The following SNTG2 variants were observed in gnomAD, a reference collection of about 807,000 sequenced individuals.
SNTG2 encodes syntrophin gamma 2.
SNTG2 carries 74 observed loss-of-function variants against 70.9 expected under a neutral mutation model. The ratio of observed to expected loss-of-function variants is 1.04; its 90% CI spans 0.86 to 1.27. SNTG2 has a LOEUF of 1.27. Ranked by LOEUF, SNTG2 falls within the 50% of genes most tolerant of loss-of-function variation. SNTG2 has a pLI of 0.00. For missense variants in SNTG2, 717 were observed against 690.7 expected (o/e 1.04, Z -0.43); for synonymous variants, 278 against 273.8 (o/e 1.02, Z -0.15).
chr2:971,304 G>GTTT (rs140073425), intron 1 of SNTG2, among the ~76,000 whole-genome samples: 1 of 151,800 alleles, frequency 6.6e-6, no homozygotes, highest in African/African-American at 2.4e-5. Flanking sequence ...TTGTTTGTTT[G>GTTT]TTTTTTTATC....
At chr2:1,172,310 C>A (rs1199005131) in intron 7 of SNTG2, among the ~76,000 whole-genome samples, 1 of 152,206 alleles carries the variant, frequency 6.6e-6, no homozygotes, top group Admixed American at 6.5e-5. Flanking sequence ...GGCTGGGAAT[C>A]TGGCATAGTC....
At chr2:1,020,813 G>GT (rs1048204565) in intron 1 of SNTG2, among the ~76,000 whole-genome samples, 2 of 152,060 alleles carry the variant, frequency 1.3e-5, no homozygotes, top group African/African-American at 4.8e-5. Flanking sequence ...AGACTTCTCT[G>GT]TTTTTAACCA....
chr2:1,018,379 A>T (rs1046898314), intron 1 of SNTG2, among the ~76,000 whole-genome samples: 2 of 152,154 alleles, frequency 1.3e-5, no homozygotes, highest in Non-Finnish European at 2.9e-5. Flanking sequence ...CTGCTTCTGA[A>T]AGATGCCCTT....
At chr2:990,862 A>G (rs1228842475) in intron 1 of SNTG2, among the ~76,000 whole-genome samples, 2 of 146,972 alleles carry the variant, frequency 1.4e-5, no homozygotes, top group South Asian at 2.2e-4. Context: ...CTTTTCTTAG[A>G]AAAAAAAAAA....
intron 1 of SNTG2, among the ~76,000 whole-genome samples, chr2:1,046,317 G>T (rs1371451537): frequency 6.6e-6 from 1 of 152,066 alleles, no homozygotes; most frequent in Non-Finnish European, 1.5e-5. Context: ...TATCCAACTT[G>T]CCATCTGTGC....
At chr2:1,200,751 T>A (rs1360704252) in intron 8 of SNTG2, among the ~76,000 whole-genome samples, 1 of 151,962 alleles carries the variant, frequency 6.6e-6, no homozygotes, top group Non-Finnish European at 1.5e-5. Flanking sequence ...ACATATGGCC[T>A]ATAGGCCAAC....
chr2:1,103,688 A>G (rs1665941356), intron 4 of SNTG2, among the ~76,000 whole-genome samples: 1 of 152,178 alleles, frequency 6.6e-6, no homozygotes, highest in Non-Finnish European at 1.5e-5. Flanking sequence ...GCGCCTGGCC[A>G]TGATTATAAA....
chr2:1,198,103 CAAAA>C (rs1287028879), intron 8 of SNTG2, among the ~76,000 whole-genome samples: 10 of 149,878 alleles, frequency 6.7e-5, no homozygotes, highest in Admixed American at 5.3e-4. Flanking sequence ...CATTAGGCCA[CAAAA>C]AAAAGTGGGA....
intron 1 of SNTG2, among the ~76,000 whole-genome samples, chr2:1,076,365 C>A (rs553994471): frequency 6.6e-6 from 1 of 152,164 alleles, no homozygotes; most frequent in African/African-American, 2.4e-5. Flanking sequence ...TGGCTCTTTA[C>A]GCTTCTTCCA....
intron 9 of SNTG2, among the ~76,000 whole-genome samples, chr2:1,223,964 G>T (rs145836487): frequency 2.0e-5 from 3 of 148,390 alleles, no homozygotes; most frequent in Non-Finnish European, 3.0e-5. Context: ...TATGCAGCAG[G>T]CATGCGTCCC....
intron 1 of SNTG2, among the ~76,000 whole-genome samples, chr2:1,018,769 C>A: frequency 6.6e-6 from 1 of 152,156 alleles, no homozygotes; most frequent in East Asian, 1.9e-4. Context: ...AAAAAGATTG[C>A]GTGATTTTTT....
intron 1 of SNTG2, among the ~76,000 whole-genome samples, chr2:1,049,675 G>A (rs1363488000): frequency 6.6e-6 from 1 of 152,212 alleles, no homozygotes; most frequent in Admixed American, 6.5e-5. Context: ...ATGCCTGCTG[G>A]ATGATATGGT....
At chr2:1,264,129 A>C (rs1482562668) in intron 13 of SNTG2, among the ~76,000 whole-genome samples, 1 of 152,264 alleles carries the variant, frequency 6.6e-6, no homozygotes, top group Non-Finnish European at 1.5e-5. Context: ...ACATTAAGAA[A>C]AAGTTAGAGA....
At position 1,222,119 on chromosome 2, in the gene SNTG2, C is replaced by CTCTCTGTCTCTGTCTCTCTCTG. The variant is rs1324021158; in HGVS notation, c.719+12900_719+12901insGTCTCTCTCTGTCTCTGTCTCT. Among the ~76,000 whole-genome samples, 19 of 107,674 alleles carry CTCTCTGTCTCTGTCTCTCTCTG rather than the reference C, an allele frequency of 1.8e-4. 2 individuals carry two copies. Among genetic ancestry groups the CTCTCTGTCTCTGTCTCTCTCTG allele is most frequent in the Non-Finnish European group, 2.7e-4 (15 of 55,602 alleles). The allele number at this position is 107,674 out of a possible 152,430, so 70.6% of individuals were successfully genotyped here. A position where few individuals can be genotyped will look rare whatever the true frequency, so the allele number is the denominator to read the frequency against. The stretch of plus-strand genomic sequence containing the variant: ...TGTCTCTCTCTGTCTCTCTCTGTCT[C>CTCTCTGTCTCTGTCTCTCTCTG]TCTCTGTCTCTCTCTGTCTCTCTCT... On this transcript the variant is annotated intron_variant, in intron 9 of 16. Transcript: ENST00000308624.
intron 15 of SNTG2, among the ~76,000 whole-genome samples, chr2:1,310,879 T>C (rs910688435): frequency 6.6e-6 from 1 of 152,226 alleles, no homozygotes; most frequent in Non-Finnish European, 1.5e-5. Context: ...AAGATGGGGT[T>C]GTGAGCCCTT....
chr2:1,226,689 C>T (rs911455628), intron 9 of SNTG2, among the ~76,000 whole-genome samples: 2 of 152,040 alleles, frequency 1.3e-5, no homozygotes, highest in African/African-American at 4.8e-5. Flanking sequence ...TAATTTTCTT[C>T]AGCTATAGGT....
chr2:1,181,373 A>G lies in SNTG2; in HGVS notation c.591+8190A>G, dbSNP rs190898392. ...CTTTCTTGAAAGAGGTGAGTTGGAA[A>G]CTTTCTAGACTCAAAGGATTTAAGT... On this transcript the variant is annotated intron_variant, in intron 8 of 16. Transcript: ENST00000308624. Among the ~76,000 whole-genome samples, 180 of 152,274 alleles carry G rather than the reference A, an allele frequency of 1.2e-3. 1 individual carries two copies. Among genetic ancestry groups the G allele is most frequent in the Non-Finnish European group, 1.8e-3 (125 of 68,020 alleles).
intron 1 of SNTG2, among the ~76,000 whole-genome samples, chr2:953,225 C>T (rs138416545): frequency 1.6e-4 from 25 of 152,164 alleles, no homozygotes; most frequent in African/African-American, 6.0e-4. Flanking sequence ...TCTGACCATA[C>T]CTGGATTTGA....
chr2:1,169,359 G>A (rs1670970587), intron 7 of SNTG2, among the ~76,000 whole-genome samples: 1 of 152,110 alleles, frequency 6.6e-6, no homozygotes, highest in Admixed American at 6.5e-5. Context: ...CTCAGGCAAG[G>A]TGACTTCACA....
Sources: gnomAD v4.1 joint callset for allele counts (sites outside exome capture counted in the v4.1 genomes callset) on GRCh38, gnomAD v4.1.1 for gene constraint, MANE v1.5 for transcripts, NCBI Gene and HGNC (gene_info 2026-07-23, HGNC 2026-07-21) for gene names.